The following NLGN1 variants were observed in gnomAD, a reference collection of about 807,000 sequenced individuals.
The protein encoded by NLGN1 is neuroligin-1.
Under a neutral mutation model 65.5 loss-of-function variants are expected in NLGN1, and 12 were observed. The ratio of observed to expected loss-of-function variants is 0.18; its 90% CI spans 0.12 to 0.30. The LOEUF (loss-of-function observed/expected upper bound fraction) is 0.30. NLGN1 is among the 10% of genes least tolerant of loss of function. The pLI is 1.00. For missense variants in NLGN1, 750 were observed against 1,007.1 expected (o/e 0.74, Z 3.46); for synonymous variants, 350 against 359.5 (o/e 0.97, Z 0.30).
At chr3:174,216,208 C>T (rs944154930) in intron 4 of NLGN1, among the ~76,000 whole-genome samples, 1 of 152,158 alleles carries the variant, frequency 6.6e-6, no homozygotes, top group African/African-American at 2.4e-5. Context: ...CTCCCACTGA[C>T]TCTTTAGCAC....
intron 4 of NLGN1, among the ~76,000 whole-genome samples, chr3:174,144,489 A>G (rs1274885031): frequency 6.6e-6 from 1 of 152,212 alleles, no homozygotes; most frequent in Non-Finnish European, 1.5e-5. Context: ...AGGAATCACC[A>G]CACTGTCTTC....
At chr3:173,809,201 C>T (rs1717352517) in intron 4 of NLGN1, among the ~76,000 whole-genome samples, 1 of 152,166 alleles carries the variant, frequency 6.6e-6, no homozygotes, top group Non-Finnish European at 1.5e-5. Context: ...CATATGATTT[C>T]TGTGGGCTGG....
rs1473689475 is a variant in NLGN1 at position 173,542,289 on chromosome 3, C to T, written c.-320-61990C>T. Among the ~76,000 whole-genome samples, 5 of 152,056 alleles carry T rather than the reference C, an allele frequency of 3.3e-5. No homozygotes were observed. The East Asian group carries it at 9.7e-4, about 29-fold the overall frequency. ...TTTTATGTATGCAGACTCTGCAGAT[C>T]TTCTCTAAATATACAAGGGGAGACT... On this transcript the variant is annotated intron_variant, in intron 2 of 6. Transcript: ENST00000457714.
chr3:173,982,058 C>A (rs1042899348), intron 4 of NLGN1, among the ~76,000 whole-genome samples: 1 of 151,900 alleles, frequency 6.6e-6, no homozygotes, highest in Admixed American at 6.6e-5. Context: ...ATATAGTATC[C>A]TTAATTTATG....
At chr3:174,016,357 C>G (rs1726554477) in intron 4 of NLGN1, among the ~76,000 whole-genome samples, 1 of 152,236 alleles carries the variant, frequency 6.6e-6, no homozygotes, top group African/African-American at 2.4e-5. Flanking sequence ...GCAATCATTA[C>G]TCAGACTGTC....
chr3:173,673,527 G>C (rs545792722), intron 3 of NLGN1, among the ~76,000 whole-genome samples: 4 of 152,088 alleles, frequency 2.6e-5, no homozygotes, highest in African/African-American at 4.8e-5. Context: ...TGTAGTAATA[G>C]AAAATGCAAT....
At chr3:173,661,108 C>T (rs192732481) in intron 3 of NLGN1, among the ~76,000 whole-genome samples, 1 of 151,882 alleles carries the variant, frequency 6.6e-6, no homozygotes, top group East Asian at 1.9e-4. Context: ...TGTGTGTTAG[C>T]GGCAGAGATG....
chr3:173,720,123 A>T (rs1457763666), intron 3 of NLGN1, among the ~76,000 whole-genome samples: 1 of 152,050 alleles, frequency 6.6e-6, no homozygotes, highest in African/African-American at 2.4e-5. Context: ...CTAAAAAAAT[A>T]AAAAAAAGAA....
intron 2 of NLGN1, among the ~76,000 whole-genome samples, chr3:173,491,762 T>A (rs1729208169): frequency 6.6e-6 from 1 of 151,754 alleles, no homozygotes; most frequent in Admixed American, 6.6e-5. Flanking sequence ...CCTTGATACG[T>A]CAAAATCTCC....
chr3:174,216,201 C>A (rs1737568005), intron 4 of NLGN1, among the ~76,000 whole-genome samples: 1 of 152,084 alleles, frequency 6.6e-6, no homozygotes, highest in Non-Finnish European at 1.5e-5. Context: ...TGGACTCCTC[C>A]CACTGACTCT....
In NLGN1 at chr3:174,138,987, C is replaced by T. The variant is rs181987315; in HGVS notation, c.647-136328C>T. ...TTCTCTGGTTGTTTTATAATCATGG[C>T]TAAAGAATATAGAAGCCAAACATAC... On this transcript the variant is annotated intron_variant, in intron 4 of 6. Transcript: ENST00000457714. Among the ~76,000 whole-genome samples, 406 of 152,170 alleles carry T rather than the reference C, an allele frequency of 2.7e-3. 1 individual carries two copies. In the Middle Eastern group the frequency reaches 0.048, roughly 18 times the overall value.
At chr3:173,564,439 AG>A (rs1197341023) in intron 2 of NLGN1, among the ~76,000 whole-genome samples, 2 of 152,252 alleles carry the variant, frequency 1.3e-5, no homozygotes, top group African/African-American at 4.8e-5. Flanking sequence ...ATGAGTCCTC[AG>A]TAATATTTCC....
chr3:173,538,950 T>A (rs1305493972), intron 2 of NLGN1, among the ~76,000 whole-genome samples: 1 of 151,100 alleles, frequency 6.6e-6, no homozygotes, highest in East Asian at 2.0e-4. Flanking sequence ...AATTTTCCAA[T>A]CATGTTTCTT....
chr3:173,677,783 A>G (rs1292605906), intron 3 of NLGN1, among the ~76,000 whole-genome samples: 1 of 152,104 alleles, frequency 6.6e-6, no homozygotes, highest in Non-Finnish European at 1.5e-5. Flanking sequence ...TTTCCATAAC[A>G]ATCCTTCCTG....
At chr3:173,824,760 T>C (rs1720998345) in intron 4 of NLGN1, among the ~76,000 whole-genome samples, 1 of 152,134 alleles carries the variant, frequency 6.6e-6, no homozygotes, top group African/African-American at 2.4e-5. Context: ...TTAACCATTG[T>C]GAATATTACT....
intron 4 of NLGN1, among the ~76,000 whole-genome samples, chr3:174,006,317 A>C (rs567927365): frequency 6.6e-6 from 1 of 152,326 alleles, no homozygotes; most frequent in South Asian, 2.1e-4. Flanking sequence ...TGATCACAAG[A>C]ATAAGTAAGT....
intron 4 of NLGN1, among the ~76,000 whole-genome samples, chr3:173,864,966 T>C (rs1729848625): frequency 6.6e-6 from 1 of 152,200 alleles, no homozygotes; most frequent in South Asian, 2.1e-4. Flanking sequence ...GCCATCAATT[T>C]CTGCTGGGAA....
Position 174,068,275 on chromosome 3 carries a change from A to G in NLGN1, c.647-207040A>G, listed in dbSNP as rs146585098. 5.5e-3 allele frequency among the ~76,000 whole-genome samples: 843 copies of G among 152,206 alleles called. 11 individuals are homozygous for G. Among genetic ancestry groups the G allele is most frequent in the African/African-American group, 0.02 (812 of 41,524 alleles). ...AAAATGTTGTATAGAATACATAGGT[A>G]TCCATAGGAAAGCTTCAGGTCTGTC... On this transcript the variant is annotated intron_variant, in intron 4 of 6. Transcript: ENST00000457714.
chr3:173,985,963 A>G (rs927759360), intron 4 of NLGN1, among the ~76,000 whole-genome samples: 2 of 152,042 alleles, frequency 1.3e-5, no homozygotes, highest in Non-Finnish European at 2.9e-5. Context: ...AACAAAAACA[A>G]TTTAAAAAAA....
Sources: gnomAD v4.1 joint callset for allele counts (sites outside exome capture counted in the v4.1 genomes callset) on GRCh38, gnomAD v4.1.1 for gene constraint, MANE v1.5 for transcripts, NCBI Gene and HGNC (gene_info 2026-07-23, HGNC 2026-07-21) for gene names.